The following ANKRD18A variants were observed in gnomAD, a reference collection of about 807,000 sequenced individuals.
ANKRD18A encodes ankyrin repeat domain-containing protein 18A.
Under a neutral mutation model 110.6 loss-of-function variants are expected in ANKRD18A, and 72 were observed. The ratio of observed to expected loss-of-function variants is 0.65; its 90% CI spans 0.54 to 0.79. The LOEUF (loss-of-function observed/expected upper bound fraction) is 0.79, where lower values mean the gene tolerates loss of function less well. Ranked by LOEUF, ANKRD18A falls within the 30% of genes least tolerant of loss-of-function variation. The pLI, the probability that ANKRD18A is intolerant of heterozygous loss-of-function variation, is 0.00. For missense variants in ANKRD18A, 934 were observed against 1,163.3 expected (o/e 0.80, Z 2.87); for synonymous variants, 305 against 410.3 (o/e 0.74, Z 3.10).
chr9:38,570,532 A>G (rs182227840), downstream of ANKRD18A, among the ~76,000 whole-genome samples: 4 of 152,208 alleles, frequency 2.6e-5, no homozygotes, highest in African/African-American at 9.6e-5. Flanking sequence ...GTCACAAGAT[A>G]CCCACTGGGT....
chr9:38,575,281 A>G (rs1355070161), intron 15 of ANKRD18A, among the ~76,000 whole-genome samples, 195 bp downstream of exon 15: 2 of 152,170 alleles, frequency 1.3e-5, no homozygotes, highest in Non-Finnish European at 2.9e-5. Context: ...AAGTTAGCAA[A>G]TGGGTGTCTC....
intron 14 of ANKRD18A, 106 bp downstream of exon 14, chr9:38,576,947 G>C: frequency 1.1e-6 from 1 of 888,036 alleles, no homozygotes; most frequent in South Asian, 1.7e-5. Flanking sequence ...TATCAAATTA[G>C]CATTCACTTC....
chr9:38,590,771 C>T (rs1275713507), intron 10 of ANKRD18A, among the ~76,000 whole-genome samples: 3 of 152,170 alleles, frequency 2.0e-5, no homozygotes, highest in African/African-American at 7.2e-5. Flanking sequence ...AGAATGGTGT[C>T]CACCAAATGT....
intron 15 of ANKRD18A, among the ~76,000 whole-genome samples, chr9:38,573,826 T>A (rs180923549): frequency 0.012 from 1,795 of 152,294 alleles, 22 homozygotes; most frequent in Middle Eastern, 0.027. Context: ...TTAATCCATT[T>A]TTTACTTAAA....
At chr9:38,575,254 A>G (rs565413675) in intron 15 of ANKRD18A, among the ~76,000 whole-genome samples, 150 of 152,334 alleles carry the variant, frequency 9.8e-4, no homozygotes, top group African/African-American at 3.5e-3. Context: ...TGTCAGTTTA[A>G]CCACATTTAT....
At chr9:38,584,577 C>CTTCTCAATAA in intron 12 of ANKRD18A, among the ~76,000 whole-genome samples, 1 of 152,138 alleles carries the variant, frequency 6.6e-6, no homozygotes, top group African/African-American at 2.4e-5. Context: ...AAACCTGTTA[C>CTTCTCAATAA]ACCCCAAAAT....
intron 10 of ANKRD18A, among the ~76,000 whole-genome samples, chr9:38,590,466 C>T (rs2993193): frequency 0.02 from 3,044 of 151,998 alleles, 105 homozygotes; most frequent in African/African-American, 0.07. Context: ...TGGCCAGGCT[C>T]TTCTTGTACT....
intron 9 of ANKRD18A, among the ~76,000 whole-genome samples, chr9:38,594,419 A>T (rs1824787531): frequency 6.6e-6 from 1 of 152,232 alleles, no homozygotes; most frequent in Non-Finnish European, 1.5e-5. Flanking sequence ...GTATCTTTGT[A>T]CTGGAAAGAA....
chr9:38,574,327 T>G (rs750320198), intron 15 of ANKRD18A, among the ~76,000 whole-genome samples: 55 of 152,218 alleles, frequency 3.6e-4, no homozygotes, highest in South Asian at 2.1e-4. Context: ...CTGGATTGAC[T>G]CCATGTCTTT....
At chr9:38,615,850 T>C in intron 2 of ANKRD18A, 80 bp downstream of exon 2, 1 of 1,527,536 alleles carries the variant, frequency 6.5e-7, no homozygotes, top group South Asian at 1.2e-5. Flanking sequence ...ACTAGCTATA[T>C]TTAAATGAGA....
intron 12 of ANKRD18A, among the ~76,000 whole-genome samples, chr9:38,580,366 T>C (rs907167390): frequency 2.0e-5 from 3 of 152,188 alleles, no homozygotes; most frequent in Non-Finnish European, 2.9e-5. Context: ...AATCACTGTC[T>C]CTAGCCTGGA....
At chr9:38,602,345 C>T (rs1470067294) in intron 7 of ANKRD18A, among the ~76,000 whole-genome samples, 4 of 151,840 alleles carry the variant, frequency 2.6e-5, no homozygotes, top group Non-Finnish European at 2.9e-5. Flanking sequence ...CAGTGAGATT[C>T]ACCAGATTAA....
At chr9:38,612,885 C>T (rs1825695652) in intron 3 of ANKRD18A, among the ~76,000 whole-genome samples, 1 of 151,688 alleles carries the variant, frequency 6.6e-6, no homozygotes, top group African/African-American at 2.4e-5. Context: ...ATAATCTATC[C>T]ACTTCTCAGC....
intron 3 of ANKRD18A, among the ~76,000 whole-genome samples, chr9:38,612,427 A>G (rs1289986503): frequency 6.6e-6 from 1 of 152,094 alleles, no homozygotes; most frequent in Non-Finnish European, 1.5e-5. Context: ...AAATAAAAAT[A>G]CAATGGCTTA....
downstream of ANKRD18A, chr9:38,571,119 T>C (rs1823625154): frequency 6.5e-7 from 1 of 1,529,764 alleles, no homozygotes; most frequent in African/African-American, 1.4e-5. Flanking sequence ...AGTTTCTTGG[T>C]ACCTCAGTGG....
At chr9:38,618,867 T>G (rs1306822913) in intron 1 of ANKRD18A, among the ~76,000 whole-genome samples, 5 of 145,748 alleles carry the variant, frequency 3.4e-5, no homozygotes, top group African/African-American at 1.3e-4. Context: ...TATATATAAC[T>G]GATATATATA....
In ANKRD18A at chr9:38,596,095, T is replaced by C. The variant is rs1220906214; in HGVS notation, c.1245A>G (p.Leu415=). The change falls in exon 9 of 16, where the codon CTA becomes CTG. Residue 415 remains leucine (L), a synonymous_variant. Coordinates refer to ENST00000399703, the MANE Select transcript of ANKRD18A (RefSeq NM_147195.4). ...AATGGAGGGATTCAACTTCAGCTTC[T>C]AGTCTTTCTTTGTTGTGTTTTTCCT... is the stretch of plus-strand genomic sequence containing the variant. ...LEKEKHNKER[L]EAEVESLHSS... 3.2e-6 allele frequency: 5 copies of C among 1,551,314 alleles called. No individual in the cohort carries two copies. The Admixed American group carries it at 7.8e-5, about 24-fold the overall frequency.
Position 38,620,143 on chromosome 9 carries a change from G to A in ANKRD18A, c.143C>T (p.Ala48Val), listed in dbSNP as rs1587555607. The change falls in exon 1 of 16, where the codon GCG (alanine) becomes GTG (valine). Residue 48 changes from alanine to valine, a missense_variant. Ala to Val is a moderately conservative substitution (Grantham distance 64). Transcript: ENST00000399703. ...GCGCGTCAGGCAGCGCTCCACCTCC[G>A]CGGCGTCGCCCTTGATGGCAGCCCT... ...IHRAAIKGDA[A>V]EVERCLTRRF... The A allele has an allele frequency of 6.4e-7, 1 of 1,569,774 alleles. No individual in the cohort carries two copies. The highest frequency in any genetic ancestry group is 1.4e-5 in the African/African-American group (1 of 73,896).
At chr9:38,578,824 C>A (rs113959800) in intron 12 of ANKRD18A, among the ~76,000 whole-genome samples, 4,852 of 152,200 alleles carry the variant, frequency 0.032, 110 homozygotes, top group African/African-American at 0.056. Context: ...TCAGGGCTGC[C>A]GTGAATTATG....
Sources: allele counts gnomAD v4.1 joint callset (sites outside exome capture counted in the v4.1 genomes callset), GRCh38; gene constraint gnomAD v4.1.1; transcripts MANE v1.5; gene names NCBI Gene and HGNC (gene_info 2026-07-23, HGNC 2026-07-21).